The following TNK2 variants were observed in gnomAD, a reference collection of about 807,000 sequenced individuals.
The protein encoded by TNK2 is tyrosine kinase non receptor 2.
In TNK2, 83 loss-of-function variants were observed where a neutral mutation model predicts 101.8. The ratio of observed to expected loss-of-function variants is 0.82; its 90% CI spans 0.68 to 0.98. The LOEUF (loss-of-function observed/expected upper bound fraction) is 0.98, where lower values mean the gene tolerates loss of function less well. TNK2 is among the 50% of genes least tolerant of loss of function. The pLI, the probability that TNK2 is intolerant of heterozygous loss-of-function variation, is 0.00. For synonymous variants in TNK2, 804 were observed against 633.0 expected (o/e 1.27, Z -4.06); for missense variants, 1,665 against 1,483.2 (o/e 1.12, Z -2.01).
intron 15 of TNK2, among the ~76,000 whole-genome samples, chr3:195,866,362 G>T (rs951231665): frequency 6.6e-6 from 1 of 152,044 alleles, no homozygotes; most frequent in Non-Finnish European, 1.5e-5. Flanking sequence ...CACCATACCC[G>T]GTTAATTTTT....
At chr3:195,879,564 T>G (rs989055448) in intron 6 of TNK2, 1 of 172,920 alleles carries the variant, frequency 5.8e-6, no homozygotes, top group Non-Finnish European at 1.2e-5. Flanking sequence ...TTTGGGTCCT[T>G]TGGCAGGAAG....
chr3:195,877,093 TATTTCC>T (rs1749828854), intron 9 of TNK2, among the ~76,000 whole-genome samples: 2 of 152,100 alleles, frequency 1.3e-5, no homozygotes, highest in Non-Finnish European at 2.9e-5. Context: ...TTAATCTTCC[TATTTCC>T]AGAATGCTCC....
chr3:195,880,420 AAT>A (rs1751795482), intron 6 of TNK2, among the ~76,000 whole-genome samples: 1 of 121,872 alleles, frequency 8.2e-6, no homozygotes, highest in Non-Finnish European at 1.8e-5. Flanking sequence ...CCCCCCCAGC[AAT>A]GCCCCTTGAA....
rs1029085828 is a variant in TNK2, at chr3:195,895,730, G to C, written c.-18-7124C>G. ...CAACTGGGGCCTTGGGGATTCACGA[G>C]TCCCCCGTATTCACGGTAAGGGGCC... On this transcript the variant is annotated intron_variant, in intron 1 of 15. Coordinates refer to ENST00000672887, the MANE Select transcript of TNK2 (RefSeq NM_001382273.1). 2.0e-5 allele frequency among the ~76,000 whole-genome samples: 3 copies of C among 152,198 alleles called. No homozygotes were observed. The East Asian group carries it at 5.8e-4, about 30-fold the overall frequency.
chr3:195,872,512 G>A (rs1411435027), intron 9 of TNK2, 42 bp from the exon 10 acceptor site: 3 of 1,541,570 alleles, frequency 1.9e-6, no homozygotes, highest in Admixed American at 1.9e-5. Context: ...GGCGTGGCGG[G>A]GCAGCCCCGG....
chr3:195,869,600 A>G, intron 11 of TNK2, 59 bp from the exon 12 acceptor site: 20 of 1,520,440 alleles, frequency 1.3e-5, no homozygotes, highest in Non-Finnish European at 1.8e-5. Context: ...AGGACAAAGG[A>G]GGGAGACGGC....
intron 9 of TNK2, chr3:195,876,341 G>C: frequency 2.2e-6 from 1 of 450,936 alleles, no homozygotes; most frequent in South Asian, 1.6e-5. Context: ...AACAAATACT[G>C]GACACAGCTT....
At chr3:195,872,596 G>A in intron 9 of TNK2, 126 bp from the exon 10 acceptor site, 3 of 1,012,422 alleles carry the variant, frequency 3.0e-6, no homozygotes, top group Non-Finnish European at 4.2e-6. Context: ...ACCAGGCTGT[G>A]TGCCACCGGC....
chr3:195,892,468 G>A (rs1758949067), intron 1 of TNK2: 20 of 1,535,464 alleles, frequency 1.3e-5, no homozygotes, highest in Non-Finnish European at 1.7e-5. Flanking sequence ...CCAGGCCAGG[G>A]AACCGACGTG....
rs1202224272 is a variant in TNK2 at position 195,868,006 on chromosome 3, G to A, written c.2292C>T (p.Pro764=). 1.9e-6 allele frequency: 3 copies of A among 1,570,748 alleles called. No homozygotes were observed. The East Asian group carries it at 6.9e-5, about 36-fold the overall frequency. Residue 764 remains proline (P), a synonymous_variant, in exon 13 of 16, where the codon CCC becomes CCT. Transcript: ENST00000672887. The stretch of plus-strand genomic sequence containing the variant: ...GAGACAGCTGGACGTGTGGGCGCGT[G>A]GGCCGAGGGGGGATGGGTACCCGAG... ...VPPRVPIPPR[P]TRPHVQLSPA...
intron 9 of TNK2, among the ~76,000 whole-genome samples, chr3:195,875,985 C>T (rs1025787034): frequency 1.2e-4 from 18 of 152,178 alleles, no homozygotes; most frequent in African/African-American, 4.3e-4. Context: ...TCAAAACGCC[C>T]GCCCGCTCTT....
intron 9 of TNK2, chr3:195,876,498 A>C (rs1483904760): frequency 2.2e-6 from 1 of 456,792 alleles, no homozygotes; most frequent in Non-Finnish European, 4.4e-6. Flanking sequence ...AAACATGGAG[A>C]TATTCAGGGA....
Position 195,869,559 on chromosome 3 carries a change from C to A in TNK2, c.1544-18G>T, listed in dbSNP as rs570836916. Reference sequence around the variant, plus strand: ...AGGCTCCCCTGCAAGAAAGGCCATGCGGACAGGGGGAGAGAGACGGAGCAG... The same window carrying A: ...AGGCTCCCCTGCAAGAAAGGCCATGAGGACAGGGGGAGAGAGACGGAGCAG... On this transcript the variant is annotated intron_variant, in intron 11 of 15. Transcript: ENST00000672887. 4 of 1,551,098 alleles carry A rather than the reference C, an allele frequency of 2.6e-6. No individual in the cohort carries two copies. Among genetic ancestry groups the A allele is most frequent in the Non-Finnish European group, 2.6e-6 (3 of 1,146,868 alleles).
rs781714123 is a variant in TNK2, at chr3:195,868,539, C to T, written c.1759G>A (p.Asp587Asn). The change falls in exon 13 of 16, where the codon GAC (aspartate) becomes AAC (asparagine). Residue 587 changes from aspartate (D) to asparagine (N), a missense_variant. Around this residue, in one of 3 missense-constraint regions of TNK2, gnomAD observed 1,136 missense variants for 894.9 expected, o/e 1.27. Transcript: ENST00000672887. ...GGGACCACGGGCTCCTCACCGAAGT[C>T]GATGAGCGTGACCTCAGCCCCGCTG... ...RGSGAEVTLIDFGEEPVVPAL... is the reference protein window; with the variant it reads ...RGSGAEVTLINFGEEPVVPAL... 150 of 1,566,910 alleles carry T rather than the reference C, an allele frequency of 9.6e-5. 2 individuals carry two copies. In the South Asian group the frequency reaches 1.2e-3, roughly 12 times the overall value.
rs1746003134 is a variant in TNK2 at position 195,872,271 on chromosome 3, C to A, written c.1451+5G>T. 1 of 1,613,202 alleles carries A rather than the reference C, an allele frequency of 6.2e-7. No individual in the cohort carries two copies. Among genetic ancestry groups the A allele is most frequent in the Non-Finnish European group, 8.5e-7 (1 of 1,179,800 alleles). On this transcript the variant is annotated splice_donor_5th_base_variant and intron_variant, in intron 10 of 15. Coordinates refer to ENST00000672887, the MANE Select transcript of TNK2 (RefSeq NM_001382273.1). The stretch of plus-strand genomic sequence containing the variant: ...GGTCAGCATCCATCCCCGCCCAGTA[C>A]TCACTCGTCAATCCTGTCCGGGAAG...
At chr3:195,895,541 C>G in intron 1 of TNK2, 1 of 1,336,756 alleles carries the variant, frequency 7.5e-7, no homozygotes, top group Non-Finnish European at 9.5e-7. Flanking sequence ...GCAGCCCGTC[C>G]CAGCTCCGTT....
rs1403750326 is a variant in TNK2 at position 195,883,298 on chromosome 3, A to G, written c.468T>C (p.Ala156=). 4.3e-6 allele frequency: 7 copies of G among 1,613,098 alleles called. No homozygotes were observed. The highest frequency in any genetic ancestry group is 1.7e-5 in the Admixed American group (1 of 59,982). ...DAPSGKTVSV[A]VKCLKPDVLS... is the part of the protein sequence containing the mutation. ...GGACATCGGGCTTCAGGCACTTCACAGCCACACTCACCTGCCCAGAGCGGG... is the reference window on the plus strand; with the variant it reads ...GGACATCGGGCTTCAGGCACTTCACGGCCACACTCACCTGCCCAGAGCGGG... The change falls in exon 5 of 16, where the codon GCT becomes GCC. Residue 156 remains alanine (A), a synonymous_variant. Coordinates refer to ENST00000672887, the MANE Select transcript of TNK2 (RefSeq NM_001382273.1).
At position 195,867,910 on chromosome 3, in the gene TNK2, C is replaced by T; in HGVS notation, c.2388G>A (p.Arg796=). 1 of 1,531,300 alleles carries T rather than the reference C, an allele frequency of 6.5e-7. No individual in the cohort carries two copies. The highest frequency in any genetic ancestry group is 8.7e-7 in the Non-Finnish European group (1 of 1,149,254). The allele number at this position is 1,531,300 out of a possible 1,614,324, so 94.9% of individuals were successfully genotyped here. A position where few individuals can be genotyped will look rare whatever the true frequency, so the allele number is the denominator to read the frequency against. The part of the protein sequence containing the change: ...GPASPPRVPP[R]EPLSPQGSRT... ...TCGAGCCTTGAGGGGACAGGGGCTC[C>T]CGCGGAGGCACCCGGGGAGGGGAAG... The change falls in exon 13 of 16, where the codon CGG becomes CGA. Residue 796 remains arginine, a synonymous_variant. Coordinates refer to ENST00000672887, the MANE Select transcript of TNK2 (RefSeq NM_001382273.1).
intron 9 of TNK2, 139 bp from the exon 10 acceptor site, chr3:195,872,609 T>C: frequency 1.1e-6 from 1 of 890,876 alleles, no homozygotes; most frequent in South Asian, 1.8e-5. Context: ...CCACCGGCCC[T>C]CCTCCCCAAC....
Sources: gnomAD v4.1 joint callset for allele counts (sites outside exome capture counted in the v4.1 genomes callset) on GRCh38, gnomAD v4.1.1 for gene constraint, gnomAD v4.1.1 regional missense constraint, MANE v1.5 for transcripts, NCBI Gene and HGNC (gene_info 2026-07-23, HGNC 2026-07-21) for gene names.